Variants in UGT2A1 observed in about 807,000 individuals in gnomAD.
The protein encoded by UGT2A1 is UDP-glucuronosyltransferase 2A1.
UGT2A1 carries 61 observed loss-of-function variants against 45.4 expected under a neutral mutation model. The ratio of observed to expected loss-of-function variants is 1.34; its 90% CI spans 1.09 to 1.66. UGT2A1 has a LOEUF of 1.66. Ranked by LOEUF, UGT2A1 falls within the 40% of genes most tolerant of loss-of-function variation. The pLI, the probability that UGT2A1 is intolerant of heterozygous loss-of-function variation, is 0.00. For synonymous variants in UGT2A1, 229 were observed against 196.2 expected, an observed-to-expected ratio of 1.17 and a Z score of -1.40; for missense variants, 649 against 574.3, an observed-to-expected ratio of 1.13 and a Z score of -1.33.
intron 1 of UGT2A1, among the ~76,000 whole-genome samples, chr4:69,650,456 T>G (rs1329006920): frequency 6.6e-6 from 1 of 152,094 alleles, no homozygotes; most frequent in Non-Finnish European, 1.5e-5. Flanking sequence ...GAATCCTAGC[T>G]TCACATTATG....
At chr4:69,623,674 A>G (rs1720881746) in intron 3 of UGT2A1, among the ~76,000 whole-genome samples, 1 of 151,436 alleles carries the variant, frequency 6.6e-6, no homozygotes. Context: ...ATTCTATAGT[A>G]ATATTTAATT....
At chr4:69,635,952 T>G (rs2109963853) in intron 2 of UGT2A1, 130 bp from the exon 3 acceptor site, 1 of 151,744 alleles carries the variant, frequency 6.6e-6, no homozygotes, top group South Asian at 2.1e-4. Flanking sequence ...TGGATATGAG[T>G]AGCAGTGATT....
chr4:69,596,526 T>A, intron 4 of UGT2A1: 1 of 1,242,022 alleles, frequency 8.1e-7, no homozygotes, highest in Admixed American at 3.6e-5. Flanking sequence ...AAAGATCTAG[T>A]TTCTATATTT....
At chr4:69,631,816 C>G (rs1057110757) in intron 3 of UGT2A1, among the ~76,000 whole-genome samples, 1 of 152,088 alleles carries the variant, frequency 6.6e-6, no homozygotes, top group Non-Finnish European at 1.5e-5. Context: ...TTAATGAAAT[C>G]ACAATTGAGC....
chr4:69,613,909 T>A (rs1391653509), intron 3 of UGT2A1, among the ~76,000 whole-genome samples: 1 of 152,018 alleles, frequency 6.6e-6, no homozygotes, highest in African/African-American at 2.4e-5. Context: ...TCTTCTAAGA[T>A]CTGGAAGAAG....
chr4:69,645,229 C>T (rs941457979), intron 2 of UGT2A1, among the ~76,000 whole-genome samples: 3 of 151,632 alleles, frequency 2.0e-5, no homozygotes, highest in Non-Finnish European at 3.0e-5. Flanking sequence ...GATCTCATCC[C>T]GTATATCCAG....
chr4:69,639,161 T>A, intron 2 of UGT2A1: 1 of 1,613,728 alleles, frequency 6.2e-7, no homozygotes, highest in Non-Finnish European at 8.5e-7. Flanking sequence ...AGATTGTTAC[T>A]GGGTCTGCTA....
intron 6 of UGT2A1, among the ~76,000 whole-genome samples, chr4:69,592,476 GA>G (rs1234734810): frequency 6.6e-6 from 1 of 152,114 alleles, no homozygotes; most frequent in East Asian, 1.9e-4. Flanking sequence ...GGAGGGTAAT[GA>G]ATATGATATC....
chr4:69,599,126 T>C (rs1719104660), intron 4 of UGT2A1, 120 bp downstream of exon 4: 1 of 1,385,490 alleles, frequency 7.2e-7, no homozygotes, highest in South Asian at 1.7e-5. Flanking sequence ...GGAAAATAGA[T>C]GTGGAGTAGC....
chr4:69,640,920 T>G (rs1722018016), intron 2 of UGT2A1, among the ~76,000 whole-genome samples: 1 of 151,732 alleles, frequency 6.6e-6, no homozygotes, highest in Non-Finnish European at 1.5e-5. Context: ...GTAAAAGGGG[T>G]TTAAAAATCT....
intron 3 of UGT2A1, among the ~76,000 whole-genome samples, chr4:69,616,821 C>A (rs959546339): frequency 7.4e-6 from 1 of 134,940 alleles, no homozygotes; most frequent in Non-Finnish European, 1.6e-5. Flanking sequence ...AATTTCTCTG[C>A]CATTTTCTTT....
intron 4 of UGT2A1, among the ~76,000 whole-genome samples, chr4:69,596,612 C>G (rs1718951022): frequency 6.6e-6 from 1 of 152,130 alleles, no homozygotes; most frequent in African/African-American, 2.4e-5. Flanking sequence ...AACCTCACCT[C>G]CCCGGTTCAA....
chr4:69,646,987 C>G lies in UGT2A1; in HGVS notation c.658G>C (p.Asp220His). ...IRNFISYHLQDYMFETLWKSW... is the reference protein window; with the variant it reads ...IRNFISYHLQHYMFETLWKSW... ...TTCCAAAGAGTTTCAAACATGTAGT[C>G]CTGTAGGTGGTAGGAGATGAAATTT... The change falls in exon 2 of 7, where the codon GAC (aspartate) becomes CAC (histidine). Residue 220 changes from aspartate (D) to histidine (H), a missense_variant. Transcript: ENST00000286604. 1.2e-6 allele frequency: 2 copies of G among 1,611,012 alleles called. No homozygotes were observed. Among genetic ancestry groups the G allele is most frequent in the East Asian group, 4.5e-5 (2 of 44,840 alleles).
At chr4:69,650,161 C>A (rs1722457205) in intron 1 of UGT2A1, among the ~76,000 whole-genome samples, 1 of 152,046 alleles carries the variant, frequency 6.6e-6, no homozygotes, top group Admixed American at 6.6e-5. Flanking sequence ...CATTAATTTT[C>A]TTGGTCCTAA....
intron 3 of UGT2A1, among the ~76,000 whole-genome samples, chr4:69,626,116 T>A (rs1001474332): frequency 6.6e-6 from 1 of 151,482 alleles, no homozygotes; most frequent in African/African-American, 2.4e-5. Context: ...ACTTCATAAC[T>A]TTTTTTTCTG....
In UGT2A1 at chr4:69,646,913, C is replaced by T. The variant is rs755074880; in HGVS notation, c.715+17G>A. On this transcript the variant is annotated intron_variant, in intron 2 of 6. Transcript: ENST00000286604. Reference sequence around the variant, plus strand: ...TTTGTTCAAATTCAAGTAATAAAAACAAAATTTGTTACATACCTAAAGCTT... The same window carrying T: ...TTTGTTCAAATTCAAGTAATAAAAATAAAATTTGTTACATACCTAAAGCTT... 1.3e-6 allele frequency: 2 copies of T among 1,520,040 alleles called. No homozygotes were observed. Among genetic ancestry groups the T allele is most frequent in the Non-Finnish European group, 1.8e-6 (2 of 1,138,870 alleles). The allele number at this position is 1,520,040 out of a possible 1,614,324, so 94.2% of individuals were successfully genotyped here.
chr4:69,634,530 G>T (rs766267225), intron 3 of UGT2A1, among the ~76,000 whole-genome samples: 1 of 152,102 alleles, frequency 6.6e-6, no homozygotes, highest in Admixed American at 6.5e-5. Context: ...TTGCAGACAA[G>T]TTGGATAGAG....
intron 6 of UGT2A1, among the ~76,000 whole-genome samples, chr4:69,592,733 T>C (rs1485634174): frequency 6.6e-6 from 1 of 151,676 alleles, no homozygotes; most frequent in Non-Finnish European, 1.5e-5. Context: ...AAATACTTTA[T>C]CATAGGGAAG....
chr4:69,618,895 C>G (rs1023227441), intron 3 of UGT2A1, among the ~76,000 whole-genome samples: 24 of 151,818 alleles, frequency 1.6e-4, no homozygotes, highest in African/African-American at 5.8e-4. Context: ...TTCTACTCAA[C>G]ATTGAAAGGT....
Sources: gnomAD v4.1 joint callset for allele counts (sites outside exome capture counted in the v4.1 genomes callset) on GRCh38, gnomAD v4.1.1 for gene constraint, MANE v1.5 for transcripts, NCBI Gene and HGNC (gene_info 2026-07-23, HGNC 2026-07-21) for gene names.